RNF111: variants seen among roughly 807,000 people sequenced by gnomAD.
RNF111 encodes the protein E3 ubiquitin-protein ligase Arkadia.
In RNF111, 17 loss-of-function variants were observed where a neutral mutation model predicts 95.1. That is an observed-to-expected ratio of 0.18 (90% CI 0.12 to 0.27). The LOEUF (loss-of-function observed/expected upper bound fraction) is 0.27. Among genes scored for constraint, RNF111 ranks in the 10% least tolerant of loss-of-function variants. RNF111 has a pLI of 1.00. For missense variants in RNF111, 1,189 were observed against 1,210.4 expected (o/e 0.98, Z 0.26); for synonymous variants, 440 against 414.8 (o/e 1.06, Z -0.74).
chr15:59,061,019 T>G (rs1286445804), intron 5 of RNF111, among the ~76,000 whole-genome samples: 2 of 151,906 alleles, frequency 1.3e-5, no homozygotes, highest in African/African-American at 2.4e-5. Context: ...CTGGCCTCAG[T>G]CTCCTGGGCT....
At chr15:59,000,082 C>G (rs1258215705) in intron 1 of RNF111, among the ~76,000 whole-genome samples, 1 of 151,992 alleles carries the variant, frequency 6.6e-6, no homozygotes, top group African/African-American at 2.4e-5. Context: ...GGACACAGAT[C>G]CAGACCATAT....
chr15:59,093,563 G>A, intron 13 of RNF111: 3 of 287,420 alleles, frequency 1.0e-5, no homozygotes, highest in South Asian at 8.6e-5. Context: ...AAACTAGTAG[G>A]ACTATTCCCT....
intron 5 of RNF111, among the ~76,000 whole-genome samples, chr15:59,065,554 C>A (rs552236549): frequency 1.3e-5 from 2 of 152,260 alleles, no homozygotes; most frequent in South Asian, 2.1e-4. Context: ...AAAGAAAGGT[C>A]CCAGATTAGA....
intron 8 of RNF111, among the ~76,000 whole-genome samples, chr15:59,083,762 C>A (rs1052520301): frequency 2.6e-5 from 4 of 152,036 alleles, no homozygotes; most frequent in Non-Finnish European, 5.9e-5. Context: ...TTTGTGCCTG[C>A]AACATTTGCC....
intron 1 of RNF111, among the ~76,000 whole-genome samples, chr15:59,023,816 C>T (rs2040466111): frequency 3.3e-5 from 5 of 152,056 alleles, no homozygotes; most frequent in Non-Finnish European, 7.4e-5. Flanking sequence ...GTATGCCAAA[C>T]AAACCATGTC....
At chr15:59,041,964 T>A (rs1192563910) in intron 2 of RNF111, among the ~76,000 whole-genome samples, 3 of 149,902 alleles carry the variant, frequency 2.0e-5, no homozygotes, top group Admixed American at 1.3e-4. Flanking sequence ...TGTTCATATT[T>A]TTTTTTTTTT....
intron 2 of RNF111, among the ~76,000 whole-genome samples, chr15:59,033,088 T>C (rs148454699): frequency 1.3e-3 from 199 of 152,352 alleles, no homozygotes; most frequent in Non-Finnish European, 2.2e-3. Flanking sequence ...ATTAATTTCT[T>C]GTGAAATTAG....
intron 3 of RNF111, among the ~76,000 whole-genome samples, chr15:59,054,591 A>G (rs2042128057): frequency 6.6e-6 from 1 of 152,138 alleles, no homozygotes; most frequent in Non-Finnish European, 1.5e-5. Context: ...TGTTTCTGAT[A>G]TGTACTATCC....
At chr15:59,021,353 G>A (rs1228126588) in intron 1 of RNF111, among the ~76,000 whole-genome samples, 1 of 152,092 alleles carries the variant, frequency 6.6e-6, no homozygotes, top group Non-Finnish European at 1.5e-5. Context: ...GTTTTGTTAT[G>A]TTGGCCAGGC....
chr15:59,062,051 C>CTTTT (rs71119429), intron 5 of RNF111, among the ~76,000 whole-genome samples: 5 of 122,278 alleles, frequency 4.1e-5, no homozygotes, highest in Admixed American at 8.5e-5. Flanking sequence ...TTTTAAACTT[C>CTTTT]TTTTTTTTTT....
chr15:59,035,943 G>A (rs933895601), intron 2 of RNF111, among the ~76,000 whole-genome samples: 1 of 152,108 alleles, frequency 6.6e-6, no homozygotes. Context: ...TACCCAGTTC[G>A]AAAGTTGCTT....
intron 6 of RNF111, among the ~76,000 whole-genome samples, chr15:59,069,502 A>G (rs1045381434): frequency 2.0e-5 from 3 of 152,180 alleles, no homozygotes; most frequent in African/African-American, 7.2e-5. Context: ...TTTTTATTTC[A>G]GCTTGAGTCA....
At chr15:59,025,038 T>A (rs1435947380) in intron 1 of RNF111, among the ~76,000 whole-genome samples, 1 of 152,246 alleles carries the variant, frequency 6.6e-6, no homozygotes. Context: ...ATTGTACGTG[T>A]ATATCACATT....
chr15:59,022,039 T>C (rs2040369627), intron 1 of RNF111, among the ~76,000 whole-genome samples: 1 of 151,952 alleles, frequency 6.6e-6, no homozygotes, highest in Non-Finnish European at 1.5e-5. Flanking sequence ...TTTGTATTTT[T>C]AGTTGAGACG....
chr15:58,988,569 A>G (rs1468539968), intron 1 of RNF111, among the ~76,000 whole-genome samples: 4 of 152,134 alleles, frequency 2.6e-5, no homozygotes, highest in Non-Finnish European at 5.9e-5. Context: ...AAAGAAACTG[A>G]TGTTTTTACT....
intron 1 of RNF111, among the ~76,000 whole-genome samples, chr15:59,013,614 G>A (rs2039930141): frequency 6.6e-6 from 1 of 152,162 alleles, no homozygotes; most frequent in Non-Finnish European, 1.5e-5. Flanking sequence ...AGCTGGCTGA[G>A]TAGTGTTTGC....
At chr15:59,014,346 A>C (rs2039968676) in intron 1 of RNF111, among the ~76,000 whole-genome samples, 6 of 152,212 alleles carry the variant, frequency 3.9e-5, no homozygotes, top group Admixed American at 2.0e-4. Flanking sequence ...TACAAGTCAG[A>C]ATCTGAGCAC....
At chr15:59,084,400 A>T in intron 9 of RNF111, 146 bp downstream of exon 9, 1 of 761,886 alleles carries the variant, frequency 1.3e-6, no homozygotes, top group Non-Finnish European at 1.9e-6. Flanking sequence ...CTCTGGGCAG[A>T]TAGAGGTTTG....
intron 1 of RNF111, among the ~76,000 whole-genome samples, chr15:59,007,190 A>G (rs1198716932): frequency 2.0e-5 from 3 of 152,092 alleles, no homozygotes; most frequent in African/African-American, 7.2e-5. Flanking sequence ...GAACACGAAC[A>G]ACCATGACCT....
Sources: gnomAD v4.1 joint callset for allele counts (sites outside exome capture counted in the v4.1 genomes callset) on GRCh38, gnomAD v4.1.1 for gene constraint, MANE v1.5 for transcripts, NCBI Gene and HGNC (gene_info 2026-07-23, HGNC 2026-07-21) for gene names.